The following GSE1 variants were observed in gnomAD, a reference collection of about 807,000 sequenced individuals.
GSE1 encodes the protein Gse1 coiled-coil protein.
Under a neutral mutation model 112.6 loss-of-function variants are expected in GSE1, and 32 were observed. That is an observed-to-expected ratio of 0.28 (90% CI 0.21 to 0.38). The LOEUF (loss-of-function observed/expected upper bound fraction) is 0.38, where lower values mean the gene tolerates loss of function less well. Among genes scored for constraint, GSE1 ranks in the 10% least tolerant of loss-of-function variants. GSE1 has a pLI of 1.00. For synonymous variants in GSE1, 1,115 were observed against 735.6 expected, an observed-to-expected ratio of 1.52 and a Z score of -8.35; for missense variants, 2,348 against 1,699.2, an observed-to-expected ratio of 1.38 and a Z score of -6.71.
At chr16:85,215,929 T>TGACTGG (rs1218179231) in intron 1 of GSE1, among the ~76,000 whole-genome samples, 2 of 152,174 alleles carry the variant, frequency 1.3e-5, no homozygotes, top group African/African-American at 4.8e-5. Flanking sequence ...CTCAGTCACC[T>TGACTGG]GGAGGCCTGT....
rs57190734 is a variant in GSE1 at position 85,617,609 on chromosome 16, C to G, written c.7+4211C>G. Among the ~76,000 whole-genome samples the G allele has an allele frequency of 1.8e-4, 21 of 114,386 alleles. 1 individual carries two copies. The East Asian group carries it at 3.7e-3, about 20-fold the overall frequency. 75.0% of individuals were successfully genotyped at this position (114,386 alleles called of 152,430 possible). On this transcript the variant is annotated intron_variant, in intron 1 of 15. Transcript: ENST00000253458. The stretch of plus-strand genomic sequence containing the variant: ...GTGTGTCAACCCTCCCCCCCCCCCC[C>G]CCGTTAACTGCCACGTGCAGCCCAA...
At chr16:85,519,519 T>C (rs1277405760) in intron 2 of GSE1, among the ~76,000 whole-genome samples, 54 of 1,174 alleles carry the variant, frequency 0.046, 16 homozygotes, top group African/African-American at 0.17. Context: ...GTCTCCATCA[T>C]CATCACCTTC....
At chr16:85,582,627 C>T (rs1567613380) in intron 1 of GSE1, among the ~76,000 whole-genome samples, 1 of 152,172 alleles carries the variant, frequency 6.6e-6, no homozygotes, top group Non-Finnish European at 1.5e-5. Flanking sequence ...CACCCAGTTC[C>T]CCCTTACGCA....
chr16:85,513,432 A>G (rs2151936486), intron 2 of GSE1, among the ~76,000 whole-genome samples: 1 of 152,154 alleles, frequency 6.6e-6, no homozygotes, highest in South Asian at 2.1e-4. Context: ...AGTGGTTGAA[A>G]CAGTGCCTAG....
intron 1 of GSE1, among the ~76,000 whole-genome samples, chr16:85,622,563 C>G (rs2048808869): frequency 6.6e-6 from 1 of 152,356 alleles, no homozygotes; most frequent in South Asian, 2.1e-4. Flanking sequence ...CTTGGTAAAA[C>G]TGTATGTAAC....
At position 85,668,311 on chromosome 16, in the gene GSE1, C is replaced by CGGA; in HGVS notation, c.3312_3314dup (p.Glu1107dup). The CGGA allele has an allele frequency of 6.2e-7, 1 of 1,612,488 alleles. No homozygotes were observed. The highest frequency in any genetic ancestry group is 2.2e-5 in the East Asian group (1 of 44,844). ...CCAACCCAGGAGTTGGACCGGGACTCGGAGGAGGAGGAAGAGGAGGATGAT... is the reference window on the plus strand; with the variant it reads ...CCAACCCAGGAGTTGGACCGGGACTCGGAGGAGGAGGAGGAAGAGGAGGATGAT... On this transcript the variant is annotated inframe_insertion, in exon 14 of 16. Coordinates refer to ENST00000253458, the MANE Select transcript of GSE1 (RefSeq NM_014615.5).
At chr16:85,297,022 C>T (rs1003169128) in intron 1 of GSE1, among the ~76,000 whole-genome samples, 1 of 152,164 alleles carries the variant, frequency 6.6e-6, no homozygotes, top group Non-Finnish European at 1.5e-5. Context: ...TCTTTATTGA[C>T]TTATGGGGCT....
intron 1 of GSE1, among the ~76,000 whole-genome samples, chr16:85,328,190 T>G (rs1051536139): frequency 1.6e-4 from 25 of 152,284 alleles, no homozygotes; most frequent in African/African-American, 6.0e-4. Flanking sequence ...ACAGCAGAGT[T>G]GGGGGGCCAG....
intron 2 of GSE1, among the ~76,000 whole-genome samples, chr16:85,478,906 T>TCCTTCCTTCCTTCCTTCCTTC (rs1491548859): frequency 1.5e-5 from 1 of 66,624 alleles, no homozygotes; most frequent in African/African-American, 7.5e-5. Flanking sequence ...TTTCTTTCTT[T>TCCTTCCTTCCTTCCTTCCTTC]CTTTCTTTCT....
At chr16:85,464,025 G>A (rs541782871) in intron 2 of GSE1, among the ~76,000 whole-genome samples, 1 of 152,254 alleles carries the variant, frequency 6.6e-6, no homozygotes, top group African/African-American at 2.4e-5. Context: ...TGACCTTCGG[G>A]CCCCTTACCT....
chr16:85,408,379 G>A lies in GSE1; in HGVS notation c.2464+50736G>A, dbSNP rs1421296586. On this transcript the variant is annotated intron_variant, in intron 2 of 2. Transcript: ENST00000637419. Reference sequence around the variant, plus strand: ...GGCCCCCCGGATAATCCTCACTGTTGCACTCAGGGTCCCTCTGATAATCCT... The same window carrying A: ...GGCCCCCCGGATAATCCTCACTGTTACACTCAGGGTCCCTCTGATAATCCT... 2.1e-4 allele frequency among the ~76,000 whole-genome samples: 2 copies of A among 9,502 alleles called. 1 individual carries two copies. 6.2% of individuals were successfully genotyped at this position (9,502 alleles called of 152,430 possible).
At chr16:85,613,860 G>A (rs1388580358) in intron 1 of GSE1, among the ~76,000 whole-genome samples, 1 of 66,646 alleles carries the variant, frequency 1.5e-5, no homozygotes, top group Non-Finnish European at 3.0e-5. Flanking sequence ...GCGGGGGTGT[G>A]GGGGGGGGGG....
At chr16:85,425,430 C>T (rs2048951347) in intron 2 of GSE1, among the ~76,000 whole-genome samples, 2 of 152,108 alleles carry the variant, frequency 1.3e-5, no homozygotes, top group African/African-American at 4.8e-5. Flanking sequence ...AGGTGTGCTG[C>T]CGGGCTGGAG....
At chr16:85,261,040 G>T (rs1317867119) in intron 1 of GSE1, among the ~76,000 whole-genome samples, 1 of 152,186 alleles carries the variant, frequency 6.6e-6, no homozygotes, top group Non-Finnish European at 1.5e-5. Context: ...GGCCCTGATG[G>T]GTCCTGGCCT....
chr16:85,549,730 T>C (rs2044836332), intron 2 of GSE1, among the ~76,000 whole-genome samples: 1 of 152,216 alleles, frequency 6.6e-6, no homozygotes, highest in South Asian at 2.1e-4. Flanking sequence ...GGAATGTTCA[T>C]AGACGGTCCA....
intron 2 of GSE1, among the ~76,000 whole-genome samples, chr16:85,474,741 A>T (rs1007267572): frequency 7.5e-6 from 1 of 133,716 alleles, no homozygotes; most frequent in Non-Finnish European, 1.6e-5. Context: ...TCTCCTCCCC[A>T]ACAAGCTCCT....
intron 1 of GSE1, among the ~76,000 whole-genome samples, chr16:85,239,726 A>C (rs1205077720): frequency 6.6e-6 from 1 of 152,218 alleles, no homozygotes; most frequent in Non-Finnish European, 1.5e-5. Context: ...ACAGGGACAC[A>C]GCCAGGGTTG....
At chr16:85,298,053 G>A (rs2045416190) in intron 1 of GSE1, among the ~76,000 whole-genome samples, 1 of 152,244 alleles carries the variant, frequency 6.6e-6, no homozygotes. Context: ...GTAAAAGGCT[G>A]TAATCTCCAT....
At chr16:85,662,745 C>T (rs1042940952) in intron 9 of GSE1, 1 of 525,660 alleles carries the variant, frequency 1.9e-6, no homozygotes, top group Admixed American at 3.5e-5. Context: ...CCCAGGGGAC[C>T]ACCCAGCTAC....
Sources: gnomAD v4.1 joint callset for allele counts (sites outside exome capture counted in the v4.1 genomes callset) on GRCh38, gnomAD v4.1.1 for gene constraint, MANE v1.5 for transcripts, NCBI Gene and HGNC (gene_info 2026-07-23, HGNC 2026-07-21) for gene names.